The following CALD1 variants were observed in gnomAD, a reference collection of about 807,000 sequenced individuals.
CALD1 encodes caldesmon 1.
Under a neutral mutation model 99.9 loss-of-function variants are expected in CALD1, and 33 were observed. The observed-to-expected ratio is 0.33, with a 90% CI of 0.25 to 0.44. CALD1 has a LOEUF of 0.44. Ranked by LOEUF, CALD1 falls within the 20% of genes least tolerant of loss-of-function variation. The pLI is 1.00. For synonymous variants in CALD1, 310 were observed against 325.0 expected (o/e 0.95, Z 0.50); for missense variants, 861 against 962.1 (o/e 0.89, Z 1.39).
intron 7 of CALD1, among the ~76,000 whole-genome samples, chr7:134,947,294 T>C (rs980264650): frequency 5.3e-5 from 8 of 152,146 alleles, no homozygotes; most frequent in African/African-American, 1.9e-4. Context: ...ATTTGTCCCA[T>C]TTTACAGCTG....
chr7:134,792,094 A>G (rs1434352342), intron 1 of CALD1, among the ~76,000 whole-genome samples: 1 of 152,164 alleles, frequency 6.6e-6, no homozygotes, highest in Non-Finnish European at 1.5e-5. Context: ...TGATGCCACA[A>G]CAAAATGCAC....
At chr7:134,742,728 C>G (rs139987855), upstream of CALD1, among the ~76,000 whole-genome samples, 1 of 152,248 alleles carries the variant, frequency 6.6e-6, no homozygotes, top group African/African-American at 2.4e-5. Context: ...AGCATAATTT[C>G]CCACAAAGAC....
chr7:134,813,395 G>T (rs1798433762), intron 1 of CALD1, among the ~76,000 whole-genome samples: 1 of 152,194 alleles, frequency 6.6e-6, no homozygotes, highest in African/African-American at 2.4e-5. Context: ...AGTAGAAAGA[G>T]ATCATTGATG....
intron 1 of CALD1, chr7:134,821,930 T>G (rs1410145184): frequency 2.0e-5 from 3 of 152,112 alleles, no homozygotes; most frequent in South Asian, 2.1e-4. Flanking sequence ...TAGAGAGAGA[T>G]AGTTGACTCT....
intron 2 of CALD1, among the ~76,000 whole-genome samples, chr7:134,850,034 TA>T (rs1800013167): frequency 6.6e-6 from 1 of 152,258 alleles, no homozygotes; most frequent in African/African-American, 2.4e-5. Context: ...TGTGATCATT[TA>T]TTTTTTTAAG....
intron 3 of CALD1, among the ~76,000 whole-genome samples, chr7:134,894,246 G>A (rs912518620): frequency 9.2e-5 from 14 of 152,118 alleles, no homozygotes; most frequent in Admixed American, 2.6e-4. Context: ...TGACTTTTCC[G>A]TTTGTCTAAA....
chr7:134,890,166 G>A (rs527802037), intron 3 of CALD1, among the ~76,000 whole-genome samples: 2 of 152,206 alleles, frequency 1.3e-5, no homozygotes, highest in East Asian at 1.9e-4. Flanking sequence ...CAGCCTCCCC[G>A]AGTGCTGGGA....
chr7:134,886,395 A>G (rs972259417), intron 3 of CALD1, among the ~76,000 whole-genome samples: 6 of 152,240 alleles, frequency 3.9e-5, no homozygotes, highest in South Asian at 2.1e-4. Context: ...TGGAGAAGAA[A>G]AAAGAAAAAG....
upstream of CALD1, among the ~76,000 whole-genome samples, chr7:134,740,318 A>G (rs1796582232): frequency 1.3e-5 from 2 of 152,208 alleles, no homozygotes; most frequent in African/African-American, 4.8e-5. Context: ...AAGACATAAG[A>G]GAGTTGACAG....
In CALD1 at chr7:134,869,639, T is replaced by G. The variant is rs371934248; in HGVS notation, c.71+1835T>G. On this transcript the variant is annotated intron_variant, in intron 3 of 14. Coordinates refer to ENST00000361675, the MANE Select transcript of CALD1 (RefSeq NM_033138.4). ...TGTCCTAAATGGAGGATTTCCTTCT[T>G]GAATCGTCAGAGAGGAGCAGTGTTT... is the stretch of plus-strand genomic sequence containing the variant. Among the ~76,000 whole-genome samples the G allele has an allele frequency of 1.6e-4, 25 of 152,290 alleles. No homozygotes were observed. The East Asian group carries it at 1.7e-3, about 11-fold the overall frequency.
intron 1 of CALD1, among the ~76,000 whole-genome samples, chr7:134,828,943 C>G (rs1463235586): frequency 2.0e-5 from 3 of 152,150 alleles, no homozygotes; most frequent in South Asian, 4.1e-4. Context: ...TAATTAGGAG[C>G]TCTTATTCTC....
At chr7:134,894,507 C>T (rs1409746066) in intron 3 of CALD1, among the ~76,000 whole-genome samples, 1 of 152,226 alleles carries the variant, frequency 6.6e-6, no homozygotes, top group Middle Eastern at 3.2e-3. Context: ...GCCTTCACTC[C>T]TTTTGCTTTG....
chr7:134,737,588 G>C, the CALD1 span, among the ~76,000 whole-genome samples: 1 of 151,878 alleles, frequency 6.6e-6, no homozygotes, highest in Admixed American at 6.6e-5. Context: ...TGCTTATTTT[G>C]TATTATCTTT....
chr7:134,929,621 C>CACACACATATACACACACACGTGTGTGT, intron 4 of CALD1, among the ~76,000 whole-genome samples: 1 of 4,240 alleles, frequency 2.4e-4, no homozygotes, highest in South Asian at 0.01. Flanking sequence ...TGTATATATA[C>CACACACATATACACACACACGTGTGTGT]GTGTGTGTGT....
chr7:134,871,033 A>G (rs1801047820), intron 3 of CALD1, among the ~76,000 whole-genome samples: 1 of 152,168 alleles, frequency 6.6e-6, no homozygotes, highest in South Asian at 2.1e-4. Context: ...TCTGAAGACA[A>G]AGAGCACATG....
intron 2 of CALD1, among the ~76,000 whole-genome samples, chr7:134,860,776 T>C (rs148166659): frequency 9.8e-5 from 15 of 152,310 alleles, no homozygotes; most frequent in Non-Finnish European, 1.6e-4. Context: ...ACATGAATTA[T>C]AGATATTCAA....
chr7:134,787,527 C>A (rs145615155), intron 1 of CALD1, among the ~76,000 whole-genome samples: 1 of 152,222 alleles, frequency 6.6e-6, no homozygotes, highest in East Asian at 1.9e-4. Flanking sequence ...CTTCCTCCAC[C>A]TCCACCCTCA....
intron 1 of CALD1, among the ~76,000 whole-genome samples, chr7:134,838,775 T>A (rs960879598): frequency 6.6e-6 from 1 of 152,252 alleles, no homozygotes; most frequent in East Asian, 1.9e-4. Flanking sequence ...TCTTTCTTTT[T>A]ATTATTTTAT....
At chr7:134,725,672 C>T in the CALD1 span, among the ~76,000 whole-genome samples, 1 of 152,142 alleles carries the variant, frequency 6.6e-6, no homozygotes, top group Non-Finnish European at 1.5e-5. Context: ...GATTTTAATC[C>T]CTGGAACCTA....
Sources: gnomAD v4.1 joint callset for allele counts (sites outside exome capture counted in the v4.1 genomes callset) on GRCh38, gnomAD v4.1.1 for gene constraint, MANE v1.5 for transcripts, NCBI Gene and HGNC (gene_info 2026-07-23, HGNC 2026-07-21) for gene names.